ZNF264: variants seen among roughly 807,000 people sequenced by gnomAD.
ZNF264 encodes zinc finger protein 264.
Under a neutral mutation model 11.2 loss-of-function variants are expected in ZNF264, and 11 were observed. The ratio of observed to expected loss-of-function variants is 0.98; its 90% CI spans 0.62 to 1.63. The LOEUF is 1.63. Ranked by LOEUF, ZNF264 falls within the 40% of genes most tolerant of loss-of-function variation. The probability of loss-of-function intolerance (pLI) is 0.00; values close to 1 mark genes in which losing one functional copy is unlikely to be tolerated. For synonymous variants in ZNF264, 309 were observed against 279.8 expected, an observed-to-expected ratio of 1.10 and a Z score of -1.04; for missense variants, 752 against 768.1, an observed-to-expected ratio of 0.98 and a Z score of 0.25.
chr19:57,192,024 T>C, intron 1 of ZNF264, 78 bp downstream of exon 1: 1 of 1,340,436 alleles, frequency 7.5e-7, no homozygotes, highest in Non-Finnish European at 9.9e-7. Flanking sequence ...GGAGCCCAGG[T>C]ATCCCCTGGA....
chr19:57,205,050 G>C (rs1170318149), intron 2 of ZNF264, among the ~76,000 whole-genome samples: 1 of 152,004 alleles, frequency 6.6e-6, no homozygotes, highest in Non-Finnish European at 1.5e-5. Context: ...TTTTTCTTTA[G>C]TCTAGAGGAA....
At position 57,214,642 on chromosome 19, in the gene ZNF264, A is replaced by G. The variant is rs971705257; in HGVS notation, c.*1661A>G. 6.6e-6 allele frequency: 1 copy of G among 152,212 alleles called. No homozygotes were observed. Among genetic ancestry groups the G allele is most frequent in the Admixed American group, 6.5e-5 (1 of 15,270 alleles). The allele number at this position is 152,212 out of a possible 1,614,324, so 9.4% of individuals were successfully genotyped here. A position where few individuals can be genotyped will look rare whatever the true frequency, so the allele number is the denominator to read the frequency against. ...TGCTGGGATTACAGGCGTGAGCCACAGTGCACAGCATGTTCAGTTTTTCAT... is the reference window on the plus strand; with the variant it reads ...TGCTGGGATTACAGGCGTGAGCCACGGTGCACAGCATGTTCAGTTTTTCAT... On this transcript the variant is annotated 3_prime_UTR_variant, in exon 4 of 4. Coordinates refer to ENST00000263095, the MANE Select transcript of ZNF264 (RefSeq NM_003417.5).
intron 2 of ZNF264, among the ~76,000 whole-genome samples, chr19:57,200,045 T>C (rs1027035116): frequency 1.3e-5 from 2 of 150,642 alleles, no homozygotes; most frequent in African/African-American, 4.9e-5. Flanking sequence ...GGATTCTAAC[T>C]CCTGGCTTCA....
Position 57,213,287 on chromosome 19 carries a change from A to T in ZNF264, c.*306A>T, listed in dbSNP as rs185532091. On this transcript the variant is annotated 3_prime_UTR_variant, in exon 4 of 4. Transcript: ENST00000263095. ...TTTCTTAGTGTATTTGGGGGAAGGG[A>T]AATGTTTCAAGGTAAAGAACCTTGA... 3.6e-4 allele frequency: 88 copies of T among 247,552 alleles called. No individual in the cohort carries two copies. Among genetic ancestry groups the T allele is most frequent in the African/African-American group, 1.9e-3 (84 of 45,252 alleles). 15.3% of individuals were successfully genotyped at this position (247,552 alleles called of 1,614,324 possible).
At position 57,219,710 on chromosome 19, in the gene ZNF264, C is replaced by G. The variant is rs934945165; in HGVS notation, c.*6729C>G. 6.6e-6 allele frequency: 1 copy of G among 152,244 alleles called. No individual in the cohort carries two copies. Among genetic ancestry groups the G allele is most frequent in the Admixed American group, 6.5e-5 (1 of 15,290 alleles). 9.4% of individuals were successfully genotyped at this position (152,244 alleles called of 1,614,324 possible). A position where few individuals can be genotyped will look rare whatever the true frequency, so the allele number is the denominator to read the frequency against. ...AATCCATCATTGGCCATTGCTTTTT[C>G]ACTTGCCATGAGCTCTGTGAATGAG... On this transcript the variant is annotated 3_prime_UTR_variant, in exon 4 of 4. Transcript: ENST00000263095.
rs7256132 is a variant in ZNF264, at chr19:57,202,352, T to C, written c.161-3045T>C. On this transcript the variant is annotated intron_variant, in intron 2 of 3. Coordinates refer to ENST00000263095, the MANE Select transcript of ZNF264 (RefSeq NM_003417.5). ...GGGCATATGCTGGGCCTCATGGGGATACAGCTGGAAGCACAGGGGAGGAGA... is the reference window on the plus strand; with the variant it reads ...GGGCATATGCTGGGCCTCATGGGGACACAGCTGGAAGCACAGGGGAGGAGA... Among the ~76,000 whole-genome samples, 133 of 152,068 alleles carry C rather than the reference T, an allele frequency of 8.7e-4. 2 individuals are homozygous for C. The highest frequency in any genetic ancestry group is 2.8e-3 in the African/African-American group (114 of 41,328).
intron 2 of ZNF264, among the ~76,000 whole-genome samples, chr19:57,200,486 C>G (rs2087243327): frequency 6.7e-6 from 1 of 149,868 alleles, no homozygotes; most frequent in Non-Finnish European, 1.5e-5. Flanking sequence ...CCCTGTTTTA[C>G]TCCCCCACCC....
chr19:57,212,006 C>G lies in ZNF264; in HGVS notation c.909C>G (p.Val303=), dbSNP rs148269081. ...CCTTCACCCACCGCTCCAATTTTGT[C>G]TTGCATAACAGGAGACACACTGGAG... ...GKAFTHRSNF[V]LHNRRHTGEK... is the part of the protein sequence containing the mutation. Residue 303 remains valine (V), a synonymous_variant, in exon 4 of 4, where the codon GTC becomes GTG. Coordinates refer to ENST00000263095, the MANE Select transcript of ZNF264 (RefSeq NM_003417.5). The G allele has an allele frequency of 2.4e-5, 38 of 1,613,908 alleles. No homozygotes were observed. The African/African-American group carries it at 4.9e-4, about 21-fold the overall frequency.
chr19:57,193,515 C>A, intron 1 of ZNF264: 1 of 985,426 alleles, frequency 1.0e-6, no homozygotes, highest in Non-Finnish European at 1.2e-6. Context: ...ATGGGGCAGG[C>A]ACCTAGCTGG....
At chr19:57,202,530 C>T (rs1203779478) in intron 2 of ZNF264, among the ~76,000 whole-genome samples, 1 of 151,850 alleles carries the variant, frequency 6.6e-6, no homozygotes, top group Non-Finnish European at 1.5e-5. Flanking sequence ...CTCTAACGTT[C>T]CTCCACCTTT....
rs868020863 is a variant in ZNF264 at position 57,215,897 on chromosome 19, A to G, written c.*2916A>G. 3 of 152,112 alleles carry G rather than the reference A, an allele frequency of 2.0e-5. No individual in the cohort carries two copies. Among genetic ancestry groups the G allele is most frequent in the Non-Finnish European group, 2.9e-5 (2 of 68,026 alleles). 9.4% of individuals were successfully genotyped at this position (152,112 alleles called of 1,614,324 possible). Reference sequence around the variant, plus strand: ...TTTTTTATGACCCAGGATAGGGTCTATCTTGTTTCGTATAGCTGCTTGAAA... The same window carrying G: ...TTTTTTATGACCCAGGATAGGGTCTGTCTTGTTTCGTATAGCTGCTTGAAA... On this transcript the variant is annotated 3_prime_UTR_variant, in exon 4 of 4. Coordinates refer to ENST00000263095, the MANE Select transcript of ZNF264 (RefSeq NM_003417.5).
rs1417098422 is a variant in ZNF264, at chr19:57,192,607, C to G, written c.33+661C>G. The G allele has an allele frequency of 1.5e-5, 15 of 979,374 alleles. No individual in the cohort carries two copies. In the East Asian group the frequency reaches 4.6e-4, roughly 30 times the overall value. The allele number at this position is 979,374 out of a possible 1,614,324, so 60.7% of individuals were successfully genotyped here. Reference sequence around the variant, plus strand: ...AATTTCCTTGGGGGATCTGGGAGACCCAGGGAGATCCCAGAGGGCATGGGA... The same window carrying G: ...AATTTCCTTGGGGGATCTGGGAGACGCAGGGAGATCCCAGAGGGCATGGGA... On this transcript the variant is annotated intron_variant, in intron 1 of 3. Coordinates refer to ENST00000263095, the MANE Select transcript of ZNF264 (RefSeq NM_003417.5).
At position 57,214,063 on chromosome 19, in the gene ZNF264, T is replaced by C. The variant is rs1209443369; in HGVS notation, c.*1082T>C. ...GTAGTATACAGAAATATAATATTTT[T>C]GGACATTGTTTTGCTACCCTGCAAC... On this transcript the variant is annotated 3_prime_UTR_variant, in exon 4 of 4. Transcript: ENST00000263095. 2.0e-5 allele frequency: 3 copies of C among 152,224 alleles called. No individual in the cohort carries two copies. Among genetic ancestry groups the C allele is most frequent in the African/African-American group, 7.2e-5 (3 of 41,458 alleles). The allele number at this position is 152,224 out of a possible 1,614,324, so 9.4% of individuals were successfully genotyped here. A position where few individuals can be genotyped will look rare whatever the true frequency, so the allele number is the denominator to read the frequency against.
At chr19:57,199,781 G>A (rs2087237600) in intron 2 of ZNF264, among the ~76,000 whole-genome samples, 1 of 151,792 alleles carries the variant, frequency 6.6e-6, no homozygotes, top group South Asian at 2.1e-4. Flanking sequence ...TATAGGTCTA[G>A]AAGCAAACAA....
chr19:57,194,024 A>G (rs768560015), intron 2 of ZNF264, 23 bp downstream of exon 2: 2 of 1,583,670 alleles, frequency 1.3e-6, no homozygotes, highest in Non-Finnish European at 1.7e-6. Flanking sequence ...TTCCCCCTCC[A>G]CCATGCAGGT....
At chr19:57,197,572 C>T (rs2087221108) in intron 2 of ZNF264, among the ~76,000 whole-genome samples, 1 of 151,948 alleles carries the variant, frequency 6.6e-6, no homozygotes, top group Non-Finnish European at 1.5e-5. Flanking sequence ...GCAGCTTGCA[C>T]AGCAGCCTAG....
intron 2 of ZNF264, among the ~76,000 whole-genome samples, chr19:57,198,739 G>T (rs1022942966): frequency 6.6e-6 from 1 of 151,866 alleles, no homozygotes; most frequent in African/African-American, 2.4e-5. Context: ...TCCCCGAAAT[G>T]TCTGATCATT....
In ZNF264 at chr19:57,218,698, T is replaced by C. The variant is rs2087397164; in HGVS notation, c.*5717T>C. The C allele has an allele frequency of 1.3e-5, 2 of 152,238 alleles. No homozygotes were observed. The highest frequency in any genetic ancestry group is 4.8e-5 in the African/African-American group (2 of 41,448). The allele number at this position is 152,238 out of a possible 1,614,324, so 9.4% of individuals were successfully genotyped here. Reference sequence around the variant, plus strand: ...TTTCTGTCTTGTTAATATTGATTAATTTTTATTGACCTTCCATGGTCCTCA... The same window carrying C: ...TTTCTGTCTTGTTAATATTGATTAACTTTTATTGACCTTCCATGGTCCTCA... On this transcript the variant is annotated 3_prime_UTR_variant, in exon 4 of 4. Coordinates refer to ENST00000263095, the MANE Select transcript of ZNF264 (RefSeq NM_003417.5).
At position 57,191,959 on chromosome 19, in the gene ZNF264, T is replaced by C; in HGVS notation, c.33+13T>C. The C allele has an allele frequency of 6.5e-7, 1 of 1,533,688 alleles. No individual in the cohort carries two copies. Among genetic ancestry groups the C allele is most frequent in the Non-Finnish European group, 8.8e-7 (1 of 1,138,726 alleles). On this transcript the variant is annotated intron_variant, in intron 1 of 3. Coordinates refer to ENST00000263095, the MANE Select transcript of ZNF264 (RefSeq NM_003417.5). ...GGACCGGGCCCAGGTGAGTGGACGG[T>C]GGCTTCGCGGTTGCCGCTTCCTTGC...
Sources: gnomAD v4.1 joint callset for allele counts (sites outside exome capture counted in the v4.1 genomes callset) on GRCh38, gnomAD v4.1.1 for gene constraint, MANE v1.5 for transcripts, NCBI Gene and HGNC (gene_info 2026-07-23, HGNC 2026-07-21) for gene names.